Variants in GADL1 observed in about 807,000 individuals in gnomAD.
The protein encoded by GADL1 is acidic amino acid decarboxylase GADL1.
In GADL1, 71 loss-of-function variants were observed where a neutral mutation model predicts 69.5. The ratio of observed to expected loss-of-function variants is 1.02; its 90% CI spans 0.84 to 1.25. GADL1 has a LOEUF of 1.25. Ranked by LOEUF, GADL1 falls within the 50% of genes most tolerant of loss-of-function variation. The pLI is 0.00. For missense variants in GADL1, 737 were observed against 631.8 expected (o/e 1.17, Z -1.79); for synonymous variants, 254 against 214.4 (o/e 1.18, Z -1.62).
intron 2 of GADL1, 130 bp from the exon 3 acceptor site, chr3:30,857,271 GA>G: frequency 5.6e-6 from 4 of 717,720 alleles, no homozygotes; most frequent in Non-Finnish European, 9.1e-6. Flanking sequence ...CTATAGTTCA[GA>G]CGAAAAGAAC....
chr3:30,865,305 A>AT (rs1302192425), intron 1 of GADL1, among the ~76,000 whole-genome samples: 2 of 123,570 alleles, frequency 1.6e-5, no homozygotes, highest in African/African-American at 5.1e-5. Context: ...ATATATATAT[A>AT]TTTTTTAATA....
chr3:30,758,181 C>T lies in GADL1; in HGVS notation c.1392+19998G>A, dbSNP rs182659219. On this transcript the variant is annotated intron_variant, in intron 14 of 14. Transcript: ENST00000282538. The stretch of plus-strand genomic sequence containing the variant: ...AACATCATGCCTTGGCTTTACTCAA[C>T]ATTCTTTGCCTTTGTAGTACATTCC... Among the ~76,000 whole-genome samples, 18 of 152,326 alleles carry T rather than the reference C, an allele frequency of 1.2e-4. No homozygotes were observed. In the East Asian group the frequency reaches 3.3e-3, roughly 28 times the overall value.
chr3:30,787,443 GGCCTTGAAAACTA>G (rs1480717974), intron 12 of GADL1, among the ~76,000 whole-genome samples: 2 of 152,144 alleles, frequency 1.3e-5, no homozygotes, highest in Non-Finnish European at 2.9e-5. Context: ...TGAAATGGCT[GGCCTTGAAAACTA>G]GTGATTCACG....
chr3:30,752,272 G>C (rs1695841013), intron 14 of GADL1, among the ~76,000 whole-genome samples: 1 of 152,146 alleles, frequency 6.6e-6, no homozygotes, highest in South Asian at 2.1e-4. Flanking sequence ...ACTAGCACAG[G>C]CTGGCACGAA....
At chr3:30,729,166 A>G (rs1695416535) in intron 14 of GADL1, among the ~76,000 whole-genome samples, 1 of 152,188 alleles carries the variant, frequency 6.6e-6, no homozygotes, top group Admixed American at 6.5e-5. Flanking sequence ...GATTTTTCTA[A>G]AAGTTTAATG....
intron 14 of GADL1, among the ~76,000 whole-genome samples, chr3:30,771,438 C>T (rs972660683): frequency 6.6e-6 from 1 of 152,136 alleles, no homozygotes; most frequent in East Asian, 1.9e-4. Flanking sequence ...TCAGGACATT[C>T]ATTAGTTAAG....
intron 1 of GADL1, among the ~76,000 whole-genome samples, chr3:30,886,256 A>G (rs1238214838): frequency 1.3e-5 from 2 of 152,014 alleles, no homozygotes; most frequent in African/African-American, 4.8e-5. Flanking sequence ...TTTTTTCTGG[A>G]ATTTGAGGAT....
intron 11 of GADL1, among the ~76,000 whole-genome samples, chr3:30,803,702 GGC>G (rs1198105628): frequency 6.6e-6 from 1 of 152,184 alleles, no homozygotes; most frequent in Admixed American, 6.5e-5. Flanking sequence ...AACAACTGGA[GGC>G]TTGGGATTTA....
At chr3:30,776,054 C>A (rs1266991744) in intron 14 of GADL1, among the ~76,000 whole-genome samples, 1 of 151,818 alleles carries the variant, frequency 6.6e-6, no homozygotes, top group East Asian at 1.9e-4. Flanking sequence ...CCATTGCACC[C>A]CAGCCTGGGC....
intron 14 of GADL1, among the ~76,000 whole-genome samples, chr3:30,763,936 TAA>T (rs1289560051): frequency 3.3e-5 from 5 of 152,112 alleles, no homozygotes; most frequent in Non-Finnish European, 4.4e-5. Flanking sequence ...CTCTTGATAA[TAA>T]AAAGGAAAAA....
intron 14 of GADL1, among the ~76,000 whole-genome samples, chr3:30,730,644 A>C (rs935508647): frequency 6.6e-6 from 1 of 152,232 alleles, no homozygotes; most frequent in Non-Finnish European, 1.5e-5. Context: ...CCTTTCCATC[A>C]AAAGATGGTA....
chr3:30,872,828 C>G lies in GADL1; in HGVS notation c.38-11063G>C, dbSNP rs188506917. 1.8e-3 allele frequency among the ~76,000 whole-genome samples: 268 copies of G among 152,038 alleles called. 1 individual carries two copies. Among genetic ancestry groups the G allele is most frequent in the African/African-American group, 6.1e-3 (253 of 41,538 alleles). On this transcript the variant is annotated intron_variant, in intron 1 of 14. Transcript: ENST00000282538. The stretch of plus-strand genomic sequence containing the variant: ...GTGAAACTAGAGAGCCATATGAATA[C>G]TCTGAGTAGCTTGGATTCTGTAGCC...
intron 11 of GADL1, among the ~76,000 whole-genome samples, chr3:30,813,964 ATTTG>A (rs940084538): frequency 6.6e-6 from 1 of 152,218 alleles, no homozygotes; most frequent in African/African-American, 2.4e-5. Flanking sequence ...ACTAATGGCT[ATTTG>A]TTCAGGCAGA....
rs140537685 is a variant in GADL1 at position 30,780,472 on chromosome 3, CTA to C, written c.1303-2206_1303-2205del. Among the ~76,000 whole-genome samples the C allele has an allele frequency of 7.1e-3, 1,088 of 152,284 alleles. 6 individuals carry two copies. Among genetic ancestry groups the C allele is most frequent in the East Asian group, 0.041 (214 of 5,170 alleles). On this transcript the variant is annotated intron_variant, in intron 13 of 14. Transcript: ENST00000282538. ...TGTTCATTTTTAGGTTTTTCATTCTCTATGAGGCAATCCTCCATTACTCCAAT... is the reference window on the plus strand; with the variant it reads ...TGTTCATTTTTAGGTTTTTCATTCTCTGAGGCAATCCTCCATTACTCCAAT...
At chr3:30,874,195 C>T (rs1209176377) in intron 1 of GADL1, among the ~76,000 whole-genome samples, 2 of 151,906 alleles carry the variant, frequency 1.3e-5, no homozygotes, top group African/African-American at 4.8e-5. Context: ...GATTCAGCTT[C>T]ACCTCTATAT....
chr3:30,749,949 T>G (rs1695776744), intron 14 of GADL1, among the ~76,000 whole-genome samples: 1 of 152,182 alleles, frequency 6.6e-6, no homozygotes, highest in African/African-American at 2.4e-5. Flanking sequence ...TGAGGGCCAA[T>G]GGAAAAGAGT....
intron 13 of GADL1, among the ~76,000 whole-genome samples, chr3:30,782,485 T>C (rs1248218334): frequency 2.0e-5 from 3 of 152,132 alleles, no homozygotes; most frequent in African/African-American, 7.2e-5. Context: ...AAGAAGAAAG[T>C]AGAATTTTGG....
At chr3:30,783,204 G>A (rs567882173) in intron 13 of GADL1, among the ~76,000 whole-genome samples, 2 of 152,222 alleles carry the variant, frequency 1.3e-5, no homozygotes, top group Admixed American at 1.3e-4. Context: ...TCCTAGTGTA[G>A]ACCTTGAGAA....
At chr3:30,741,021 A>T (rs924105824) in intron 14 of GADL1, among the ~76,000 whole-genome samples, 14 of 87,636 alleles carry the variant, frequency 1.6e-4, no homozygotes, top group African/African-American at 8.6e-4. Flanking sequence ...TATATTATAT[A>T]ATATATTATA....
Sources: allele counts gnomAD v4.1 joint callset (sites outside exome capture counted in the v4.1 genomes callset), GRCh38; gene constraint gnomAD v4.1.1; transcripts MANE v1.5; gene names NCBI Gene and HGNC (gene_info 2026-07-23, HGNC 2026-07-21).